ECT2: variants seen among roughly 807,000 people sequenced by gnomAD.
ECT2 encodes protein ECT2.
ECT2 carries 61 observed loss-of-function variants against 116.9 expected under a neutral mutation model. The ratio of observed to expected loss-of-function variants is 0.52; its 90% CI spans 0.42 to 0.65. The LOEUF (loss-of-function observed/expected upper bound fraction) is 0.65. Ranked by LOEUF, ECT2 falls within the 30% of genes least tolerant of loss-of-function variation. ECT2 has a pLI of 0.00. For missense variants in ECT2, 937 were observed against 1,078.7 expected, an observed-to-expected ratio of 0.87 and a Z score of 1.84; for synonymous variants, 358 against 346.4, an observed-to-expected ratio of 1.03 and a Z score of -0.37.
At chr3:172,810,185 TA>T (rs1216483693) in intron 22 of ECT2, among the ~76,000 whole-genome samples, 1 of 152,192 alleles carries the variant, frequency 6.6e-6, no homozygotes. Flanking sequence ...TAAGCAACGA[TA>T]ACCTTTCCCG....
intron 14 of ECT2, among the ~76,000 whole-genome samples, chr3:172,775,431 A>G (rs575068881): frequency 6.6e-6 from 1 of 152,298 alleles, no homozygotes; most frequent in South Asian, 2.1e-4. Context: ...ATTTCAGTTA[A>G]TTTCTAGATC....
downstream of ECT2, among the ~76,000 whole-genome samples, chr3:172,821,849 T>C (rs573661291): frequency 1.3e-5 from 2 of 152,002 alleles, no homozygotes; most frequent in Non-Finnish European, 1.5e-5. Context: ...GCTAGAAATG[T>C]ATTGACTATA....
intron 4 of ECT2, among the ~76,000 whole-genome samples, chr3:172,756,223 A>T (rs573636618): frequency 1.3e-5 from 2 of 152,228 alleles, no homozygotes; most frequent in Non-Finnish European, 2.9e-5. Flanking sequence ...TTTTGGGGGT[A>T]CATAATTTAG....
chr3:172,815,487 G>T (rs1729515452), intron 22 of ECT2, 117 bp from the exon 23 acceptor site: 1 of 610,636 alleles, frequency 1.6e-6, no homozygotes, highest in East Asian at 2.9e-5. Context: ...TCAAGCACAT[G>T]AAAAGTCTTG....
the ECT2 span, chr3:172,828,926 C>G: frequency 6.8e-7 from 1 of 1,461,648 alleles, no homozygotes; most frequent in Non-Finnish European, 9.4e-7. Flanking sequence ...AATGCCAGTC[C>G]CTGAACCAGC....
At chr3:172,795,874 TAA>T (rs1463425529) in intron 18 of ECT2, among the ~76,000 whole-genome samples, 2 of 152,156 alleles carry the variant, frequency 1.3e-5, no homozygotes, top group South Asian at 2.1e-4. Flanking sequence ...TTAAATTTTA[TAA>T]AAAGACTAAA....
intron 18 of ECT2, among the ~76,000 whole-genome samples, chr3:172,789,536 T>C (rs1724262936): frequency 6.6e-6 from 1 of 152,152 alleles, no homozygotes; most frequent in Non-Finnish European, 1.5e-5. Flanking sequence ...GCAATGAAGT[T>C]GGCCATATCA....
chr3:172,792,040 C>G (rs1016905370), intron 18 of ECT2, among the ~76,000 whole-genome samples: 6 of 151,970 alleles, frequency 3.9e-5, no homozygotes, highest in Admixed American at 6.6e-5. Context: ...GGAGAGAGAG[C>G]GATAGGGGAA....
intron 14 of ECT2, among the ~76,000 whole-genome samples, chr3:172,781,805 A>C (rs1437215134): frequency 6.6e-6 from 1 of 152,206 alleles, no homozygotes; most frequent in Non-Finnish European, 1.5e-5. Flanking sequence ...ATAAATTAAA[A>C]AAACCTCATT....
intron 18 of ECT2, among the ~76,000 whole-genome samples, chr3:172,795,028 A>T (rs1725361273): frequency 6.6e-6 from 1 of 151,988 alleles, no homozygotes; most frequent in South Asian, 2.1e-4. Context: ...AGCAATATTA[A>T]ATCTTCTGAT....
chr3:172,825,636 CTTA>C (rs1730822625), downstream of ECT2, among the ~76,000 whole-genome samples: 1 of 152,304 alleles, frequency 6.6e-6, no homozygotes, highest in South Asian at 2.1e-4. Flanking sequence ...AGAGTAAATC[CTTA>C]ACTCTCTTTC....
chr3:172,763,802 A>G (rs541839713), intron 11 of ECT2, among the ~76,000 whole-genome samples: 103 of 152,346 alleles, frequency 6.8e-4, no homozygotes, highest in African/African-American at 2.4e-3. Context: ...TGTAAAATCT[A>G]TATAGTACCA....
intron 14 of ECT2, among the ~76,000 whole-genome samples, chr3:172,779,086 T>C (rs1452199479): frequency 6.6e-6 from 1 of 152,208 alleles, no homozygotes; most frequent in Non-Finnish European, 1.5e-5. Context: ...ATAGTTATGC[T>C]CATAAAATCC....
chr3:172,765,457 A>G (rs1484052085), intron 12 of ECT2, among the ~76,000 whole-genome samples: 4 of 152,024 alleles, frequency 2.6e-5, no homozygotes, highest in Non-Finnish European at 5.9e-5. Context: ...CAAGCTACCT[A>G]CTTTGTACTT....
chr3:172,815,935 G>A (rs4491935), intron 23 of ECT2, among the ~76,000 whole-genome samples: 25,256 of 152,068 alleles, frequency 0.17, 2,279 homozygotes, highest in Non-Finnish European at 0.19. Context: ...TGATGCTTCT[G>A]TGAACTATCC....
At chr3:172,755,456 C>T in intron 3 of ECT2, 27 bp from the exon 4 acceptor site, 4 of 1,498,772 alleles carry the variant, frequency 2.7e-6, no homozygotes, top group Non-Finnish European at 3.6e-6. Context: ...GCTTTCTTAA[C>T]CTCATACTTA....
chr3:172,751,519 A>G (rs1305621437), intron 1 of ECT2, among the ~76,000 whole-genome samples: 1 of 152,152 alleles, frequency 6.6e-6, no homozygotes, highest in Non-Finnish European at 1.5e-5. Context: ...CAGAGATTAA[A>G]AGGTTTAGGA....
Position 172,802,984 on chromosome 3 carries a change from A to C in ECT2, c.2106+4A>C, listed in dbSNP as rs373999223. ...CCTCTTCAATGATTGCCTAGAGGTA[A>C]AGATGTACTTCACATAGTATAATAA... is the stretch of plus-strand genomic sequence containing the variant. On this transcript the variant is annotated splice_donor_region_variant and intron_variant, in intron 20 of 24. Transcript: ENST00000392692. 1 of 1,608,410 alleles carries C rather than the reference A, an allele frequency of 6.2e-7. No homozygotes were observed. The highest frequency in any genetic ancestry group is 1.3e-5 in the African/African-American group (1 of 74,644).
chr3:172,762,773 A>G lies in ECT2; in HGVS notation c.972A>G (p.Glu324=). Residue 324 remains glutamate, a synonymous_variant, in exon 10 of 25, where the codon GAA becomes GAG. Transcript: ENST00000392692. The part of the protein sequence containing the change: ...EENIVKDLPF[E]PSKKLYVVKQ... ...ATATAGTAAAAGATCTTCCCTTTGA[A>G]CCTTCAAAGAAACTTTATGTTGTCA... 1.2e-6 allele frequency: 2 copies of G among 1,612,812 alleles called. No homozygotes were observed. The highest frequency in any genetic ancestry group is 2.2e-5 in the South Asian group (2 of 90,678).
Sources: gnomAD v4.1 joint callset for allele counts (sites outside exome capture counted in the v4.1 genomes callset) on GRCh38, gnomAD v4.1.1 for gene constraint, MANE v1.5 for transcripts, NCBI Gene and HGNC (gene_info 2026-07-23, HGNC 2026-07-21) for gene names.